MAP3K14: variants seen among roughly 807,000 people sequenced by gnomAD.
The protein encoded by MAP3K14 is mitogen-activated protein kinase kinase kinase 14, also known as NF-kappa-beta-inducing kinase.
A neutral mutation model predicts 99.2 loss-of-function variants in MAP3K14; 16 were observed. The observed-to-expected ratio is 0.16, with a 90% CI of 0.11 to 0.24. The LOEUF (loss-of-function observed/expected upper bound fraction) is 0.24. Among genes scored for constraint, MAP3K14 ranks in the 10% least tolerant of loss-of-function variants. The probability of loss-of-function intolerance (pLI) is 1.00; values close to 1 mark genes in which losing one functional copy is unlikely to be tolerated. For missense variants in MAP3K14, 784 were observed against 1,208.7 expected (o/e 0.65, Z 5.21); for synonymous variants, 462 against 492.4 (o/e 0.94, Z 0.82).
chr17:45,313,306 A>G (rs1358090709), intron 1 of MAP3K14, among the ~76,000 whole-genome samples: 1 of 152,084 alleles, frequency 6.6e-6, no homozygotes, highest in African/African-American at 2.4e-5. Context: ...TATTACTACC[A>G]CCACCAAACA....
Position 45,271,049 on chromosome 17 carries a change from G to A in MAP3K14, c.1821+9C>T, listed in dbSNP as rs772228998. ...CCCCCTGTTGGCCATGCTGGGTGCC[G>A]TCACCGACCTTGAGGCAGAGCGGCC... On this transcript the variant is annotated intron_variant, in intron 10 of 15. Coordinates refer to ENST00000344686, the MANE Select transcript of MAP3K14 (RefSeq NM_003954.5). 13 of 1,610,740 alleles carry A rather than the reference G, an allele frequency of 8.1e-6. No individual in the cohort carries two copies. The highest frequency in any genetic ancestry group is 6.7e-5 in the East Asian group (3 of 44,820).
intron 1 of MAP3K14, among the ~76,000 whole-genome samples, chr17:45,302,890 G>A (rs913142456): frequency 6.6e-6 from 1 of 152,224 alleles, no homozygotes; most frequent in Non-Finnish European, 1.5e-5. Flanking sequence ...TGTCCTTCCT[G>A]GTTTTGGTTT....
chr17:45,316,643 T>TGGC (rs1318646119), intron 1 of MAP3K14, among the ~76,000 whole-genome samples: 4 of 152,070 alleles, frequency 2.6e-5, no homozygotes, highest in Non-Finnish European at 5.9e-5. Context: ...CGGGCGGGCC[T>TGGC]GGCGGCGGCG....
At chr17:45,288,472 G>A (rs1366728812) in intron 3 of MAP3K14, among the ~76,000 whole-genome samples, 5 of 151,462 alleles carry the variant, frequency 3.3e-5, no homozygotes, top group Non-Finnish European at 7.4e-5. Context: ...TCGACTCCTG[G>A]ATTCAAGCGA....
At chr17:45,291,970 C>T (rs1040632421) in intron 1 of MAP3K14, among the ~76,000 whole-genome samples, 2 of 152,252 alleles carry the variant, frequency 1.3e-5, no homozygotes, top group Non-Finnish European at 2.9e-5. Flanking sequence ...CCCTGTGAGG[C>T]CTGAGGACTG....
In MAP3K14 at chr17:45,272,584, T is replaced by A. The variant is rs544034659; in HGVS notation, c.1657+919A>T. Among the ~76,000 whole-genome samples the A allele has an allele frequency of 6.6e-6, 1 of 152,260 alleles. No individual in the cohort carries two copies. Among genetic ancestry groups the A allele is most frequent in the Admixed American group, 6.5e-5 (1 of 15,288 alleles). ...ACATGAAAAACGCAGGGCACAAAAT[T>A]GTGTTATAATGGCCCTAACTAGGCA... On this transcript the variant is annotated intron_variant, in intron 9 of 15. Coordinates refer to ENST00000344686, the MANE Select transcript of MAP3K14 (RefSeq NM_003954.5). This position sits in a 1 kb window ranked among gnomAD's most constrained non-coding sequence, Gnocchi z 4.1.
chr17:45,290,805 C>T (rs778803198), intron 1 of MAP3K14, 40 bp from the exon 2 acceptor site: 520 of 1,583,944 alleles, frequency 3.3e-4, no homozygotes, highest in Non-Finnish European at 4.2e-4. Flanking sequence ...CTTAGAATCC[C>T]AGACCTGGGA....
chr17:45,277,403 T>C (rs1241987528), intron 6 of MAP3K14, among the ~76,000 whole-genome samples: 2 of 152,164 alleles, frequency 1.3e-5, no homozygotes, highest in African/African-American at 4.8e-5. Flanking sequence ...CAGAACCAGC[T>C]TGGAAGCGAT....
chr17:45,284,186 T>C (rs2044245330), intron 6 of MAP3K14, among the ~76,000 whole-genome samples: 2 of 152,242 alleles, frequency 1.3e-5, no homozygotes, highest in African/African-American at 4.8e-5. Context: ...TTCTTCCCTC[T>C]TCTTCCTGAA....
In MAP3K14 at chr17:45,266,531, C is replaced by T. The variant is rs1369366689; in HGVS notation, c.2578+6G>A. The T allele has an allele frequency of 2.5e-6, 4 of 1,610,126 alleles. No individual in the cohort carries two copies. Among genetic ancestry groups the T allele is most frequent in the Non-Finnish European group, 2.5e-6 (3 of 1,177,844 alleles). ...GACTGCTGAGCAGGTGGGAATTGGACTGTACCATTGAAATAGCTTGGGGTG... is the reference window on the plus strand; with the variant it reads ...GACTGCTGAGCAGGTGGGAATTGGATTGTACCATTGAAATAGCTTGGGGTG... On this transcript the variant is annotated splice_donor_region_variant and intron_variant, in intron 14 of 15. Transcript: ENST00000344686.
At chr17:45,289,192 G>C in intron 3 of MAP3K14, 44 bp downstream of exon 3, 1 of 1,576,496 alleles carries the variant, frequency 6.3e-7, no homozygotes, top group Non-Finnish European at 8.7e-7. Flanking sequence ...AGGGCGCTGG[G>C]TCCAGTCCCC....
chr17:45,287,262 C>T lies in MAP3K14; in HGVS notation c.429G>A (p.Arg143=). 2 of 1,614,030 alleles carry T rather than the reference C, an allele frequency of 1.2e-6. No individual in the cohort carries two copies. Among genetic ancestry groups the T allele is most frequent in the Non-Finnish European group, 1.7e-6 (2 of 1,179,900 alleles). Residue 143 remains arginine, a synonymous_variant, in exon 4 of 16, where the codon CGG becomes CGA. Transcript: ENST00000344686. The part of the protein sequence containing the change: ...CWKGKRRSKA[R]KKRKKKSSKS... Reference sequence around the variant, plus strand: ...TTGAGCTCTTCTTCTTCCGTTTCTTCCGGGCTTTGCTGCGACGCTTTCCCT... The same window carrying T: ...TTGAGCTCTTCTTCTTCCGTTTCTTTCGGGCTTTGCTGCGACGCTTTCCCT...
intron 6 of MAP3K14, among the ~76,000 whole-genome samples, chr17:45,280,353 G>A: frequency 6.8e-6 from 1 of 147,200 alleles, no homozygotes; most frequent in South Asian, 2.1e-4. Flanking sequence ...GCCCAGGCTG[G>A]ACTGCAGTGG....
chr17:45,277,674 C>T (rs891372036), intron 6 of MAP3K14, among the ~76,000 whole-genome samples: 2 of 152,160 alleles, frequency 1.3e-5, no homozygotes, highest in African/African-American at 4.8e-5. Context: ...CGGGGCACTG[C>T]AGATAACTCA....
At chr17:45,273,838 G>A (rs758356372) in intron 8 of MAP3K14, 37 of 649,686 alleles carry the variant, frequency 5.7e-5, no homozygotes, top group Middle Eastern at 3.0e-4. Context: ...GGGTTTACTC[G>A]GGAACGCTGC....
chr17:45,313,427 C>A (rs1465191886), intron 1 of MAP3K14, among the ~76,000 whole-genome samples: 1 of 152,154 alleles, frequency 6.6e-6, no homozygotes, highest in Non-Finnish European at 1.5e-5. Flanking sequence ...CTCAAAACAG[C>A]CCCATGAAGT....
At position 45,273,532 on chromosome 17, in the gene MAP3K14, G is replaced by C. The variant is rs1317716904; in HGVS notation, c.1628C>G (p.Pro543Arg). Residue 543 changes from proline to arginine, a missense_variant, in exon 9 of 16, where the codon CCT becomes CGT. This residue lies in a region of MAP3K14 where 200 missense variants were observed against 367.9 expected (regional missense o/e 0.54). Coordinates refer to ENST00000344686, the MANE Select transcript of MAP3K14 (RefSeq NM_003954.5). ...GAGCAAGGACTTTCCCAGGCCATCA[G>C]GTTGAAGACACACAGCATGGCCAAA... is the stretch of plus-strand genomic sequence containing the variant. Reference protein sequence around the residue: ...CDFGHAVCLQPDGLGKSLLTG... With the variant: ...CDFGHAVCLQRDGLGKSLLTG... 1 of 1,613,140 alleles carries C rather than the reference G, an allele frequency of 6.2e-7. No homozygotes were observed. The highest frequency in any genetic ancestry group is 1.7e-5 in the Admixed American group (1 of 59,924).
At chr17:45,301,008 A>C (rs1018711594) in intron 1 of MAP3K14, among the ~76,000 whole-genome samples, 2 of 152,012 alleles carry the variant, frequency 1.3e-5, no homozygotes, top group Non-Finnish European at 2.9e-5. Context: ...CTTTACAAAA[A>C]AATACAAAAC....
intron 8 of MAP3K14, 159 bp from the exon 9 acceptor site, chr17:45,273,766 G>A (rs2044158175): frequency 1.4e-6 from 1 of 702,056 alleles, no homozygotes; most frequent in Admixed American, 2.0e-5. Context: ...TGGAGGAAGG[G>A]AGGAGGGTAT....
Sources: allele counts gnomAD v4.1 joint callset (sites outside exome capture counted in the v4.1 genomes callset), GRCh38; gene constraint gnomAD v4.1.1; regional missense constraint gnomAD v4.1.1; non-coding constraint Gnocchi (gnomAD v3.1); transcripts MANE v1.5; gene names NCBI Gene and HGNC (gene_info 2026-07-23, HGNC 2026-07-21).